The following UTRN variants were observed in gnomAD, a reference collection of about 807,000 sequenced individuals.
UTRN encodes utrophin.
In UTRN, 283 loss-of-function variants were observed where a neutral mutation model predicts 463.9. The observed-to-expected ratio is 0.61, with a 90% CI of 0.55 to 0.67. UTRN has a LOEUF of 0.67. Among genes scored for constraint, UTRN ranks in the 30% least tolerant of loss-of-function variants. The probability of loss-of-function intolerance (pLI) is 0.00; values close to 1 mark genes in which losing one functional copy is unlikely to be tolerated. For synonymous variants in UTRN, 1,442 were observed against 1,431.5 expected (o/e 1.01, Z -0.17); for missense variants, 3,922 against 4,084.3 (o/e 0.96, Z 1.08).
At chr6:144,344,311 T>C (rs1777392446) in intron 2 of UTRN, 2 of 1,304,050 alleles carry the variant, frequency 1.5e-6, no homozygotes, top group South Asian at 1.2e-5. Flanking sequence ...CCAGGTAAGT[T>C]TGTCAACTTG....
Position 144,659,611 on chromosome 6 carries a change from C to T in UTRN, c.7480-18795C>T, listed in dbSNP as rs139112036. On this transcript the variant is annotated intron_variant, in intron 51 of 74. Transcript: ENST00000367545. ...TGCTGGTGTCTGGGAGAGTGAGAACCGGTGGCCTCTTGTCCTGTGTTTTGG... is the reference window on the plus strand; with the variant it reads ...TGCTGGTGTCTGGGAGAGTGAGAACTGGTGGCCTCTTGTCCTGTGTTTTGG... Among the ~76,000 whole-genome samples, 95 of 152,228 alleles carry T rather than the reference C, an allele frequency of 6.2e-4. 1 individual carries two copies. Among genetic ancestry groups the T allele is most frequent in the East Asian group, 1.4e-3 (7 of 5,182 alleles).
intron 31 of UTRN, among the ~76,000 whole-genome samples, chr6:144,490,614 G>A (rs1792965952): frequency 6.6e-6 from 1 of 152,152 alleles, no homozygotes; most frequent in African/African-American, 2.4e-5. Flanking sequence ...TTGAGTTCTA[G>A]GTTCCTGAAC....
chr6:144,627,834 C>G (rs886432532), intron 51 of UTRN, among the ~76,000 whole-genome samples: 5 of 131,702 alleles, frequency 3.8e-5, no homozygotes, highest in African/African-American at 1.2e-4. Flanking sequence ...GAGTCTCGCT[C>G]TGTCACCCAG....
intron 44 of UTRN, 57 bp downstream of exon 44, chr6:144,537,774 G>A: frequency 6.4e-7 from 1 of 1,558,814 alleles, no homozygotes; most frequent in South Asian, 1.2e-5. Context: ...ATACTTCAGA[G>A]TCACATACTG....
intron 2 of UTRN, among the ~76,000 whole-genome samples, chr6:144,329,078 C>A (rs896909727): frequency 2.0e-5 from 3 of 146,456 alleles, no homozygotes; most frequent in Non-Finnish European, 3.0e-5. Context: ...AGCCACCGCA[C>A]CTGGCCTTTT....
Position 144,424,075 on chromosome 6 carries a change from G to T in UTRN, c.402G>T (p.Trp134Cys). 2 of 1,612,986 alleles carry T rather than the reference G, an allele frequency of 1.2e-6. No individual in the cohort carries two copies. Among genetic ancestry groups the T allele is most frequent in the Non-Finnish European group, 1.7e-6 (2 of 1,179,738 alleles). Residue 134 changes from tryptophan to cysteine, a missense_variant, in exon 6 of 75, where the codon TGG (tryptophan) becomes TGT (cysteine). Trp to Cys is a radical substitution (Grantham distance 215). This residue lies in a region of UTRN where 264 missense variants were observed against 327.9 expected (regional missense o/e 0.81). Coordinates refer to ENST00000367545, the MANE Select transcript of UTRN (RefSeq NM_007124.3). The part of the protein sequence containing the change: ...LGLLWSIILH[W>C]QVKDVMKDVM... Reference sequence around the variant, plus strand: ...TACTTTGGAGCATCATTTTGCACTGGCAGGTGGGGAAATTTCCAATCACTT... The same window carrying T: ...TACTTTGGAGCATCATTTTGCACTGTCAGGTGGGGAAATTTCCAATCACTT...
intron 18 of UTRN, among the ~76,000 whole-genome samples, 193 bp downstream of exon 18, chr6:144,451,686 C>T (rs542211738): frequency 3.8e-5 from 5 of 132,854 alleles, no homozygotes; most frequent in Admixed American, 7.0e-5. Context: ...ATTTGGAGGA[C>T]GTTTTTTTTT....
intron 3 of UTRN, among the ~76,000 whole-genome samples, chr6:144,416,243 C>CA: frequency 6.6e-6 from 1 of 152,304 alleles, no homozygotes; most frequent in Non-Finnish European, 1.5e-5. Flanking sequence ...ATTTGTTTAG[C>CA]ACAGTGTTTT....
In UTRN at chr6:144,839,073, T is replaced by G. The variant is rs1237068228; in HGVS notation, c.10066-100T>G. The G allele has an allele frequency of 4.7e-6, 4 of 855,602 alleles. No homozygotes were observed. In the Admixed American group the frequency reaches 9.3e-5, roughly 20 times the overall value. 53.0% of individuals were successfully genotyped at this position (855,602 alleles called of 1,614,324 possible). ...CTGAAGGCAAAGACTTCTATATGAT[T>G]TAATTATCCATGGTGAGGGCGGGGA... On this transcript the variant is annotated intron_variant, in intron 71 of 74. Coordinates refer to ENST00000367545, the MANE Select transcript of UTRN (RefSeq NM_007124.3).
At chr6:144,815,594 G>A (rs1395912168) in intron 65 of UTRN, among the ~76,000 whole-genome samples, 5 of 152,226 alleles carry the variant, frequency 3.3e-5, no homozygotes, top group Non-Finnish European at 5.9e-5. Context: ...AGAACTTGGA[G>A]TTTATGTTCG....
rs139302810 is a variant in UTRN at position 144,789,240 on chromosome 6, A to G, written c.8881A>G (p.Met2961Val). Reference protein sequence around the residue: ...IRVQSLKIGLMSLSKGLLEEK... With the variant: ...IRVQSLKIGLVSLSKGLLEEK... ...AGTGCAGAGTCTGAAGATTGGATTA[A>G]TGTCTCTCTCCAAAGGTCTCTTGGA... Residue 2961 changes from methionine to valine, a missense_variant, in exon 62 of 75, where the codon ATG (methionine) becomes GTG (valine). Physicochemically the swap from Met to Val is conservative, Grantham distance 21. This residue lies in a region of UTRN where 1,309 missense variants were observed against 1,452.6 expected (regional missense o/e 0.90). Coordinates refer to ENST00000367545, the MANE Select transcript of UTRN (RefSeq NM_007124.3). The G allele has an allele frequency of 9.8e-5, 158 of 1,613,592 alleles. 1 individual carries two copies. The East Asian group carries it at 2.0e-3, about 20-fold the overall frequency.
intron 23 of UTRN, among the ~76,000 whole-genome samples, chr6:144,466,104 C>G (rs1466552509): frequency 1.3e-5 from 2 of 152,192 alleles, no homozygotes; most frequent in Non-Finnish European, 1.5e-5. Context: ...ACAAATATTG[C>G]TAATTCCAAT....
intron 2 of UTRN, among the ~76,000 whole-genome samples, chr6:144,377,642 G>A (rs1457960093): frequency 2.6e-5 from 4 of 152,146 alleles, no homozygotes; most frequent in Non-Finnish European, 5.9e-5. Context: ...TAGTCACTGT[G>A]AACACTGTTG....
At chr6:144,590,933 T>A (rs949437107) in intron 51 of UTRN, among the ~76,000 whole-genome samples, 1 of 151,884 alleles carries the variant, frequency 6.6e-6, no homozygotes, top group African/African-American at 2.4e-5. Context: ...TAAGTTAATA[T>A]TGATAAAATG....
chr6:144,503,650 T>C (rs942001027), intron 34 of UTRN, among the ~76,000 whole-genome samples: 5 of 152,228 alleles, frequency 3.3e-5, no homozygotes, highest in Non-Finnish European at 5.9e-5. Flanking sequence ...TTGGTTACTG[T>C]AGCCTGATAG....
At chr6:144,334,436 C>T (rs548505224) in intron 2 of UTRN, among the ~76,000 whole-genome samples, 3 of 149,224 alleles carry the variant, frequency 2.0e-5, no homozygotes, top group Admixed American at 6.6e-5. Context: ...GGTAGTGTTG[C>T]GTCACTCTGT....
rs151284185 is a variant in UTRN at position 144,823,306 on chromosome 6, C to T, written c.9494+2288C>T. Among the ~76,000 whole-genome samples, 686 of 152,066 alleles carry T rather than the reference C, an allele frequency of 4.5e-3. 8 individuals carry two copies. The highest frequency in any genetic ancestry group is 0.016 in the African/African-American group (653 of 41,492). On this transcript the variant is annotated intron_variant, in intron 66 of 74. Coordinates refer to ENST00000367545, the MANE Select transcript of UTRN (RefSeq NM_007124.3). ...TCTTTTTTTAATCCTAGACCAAGCT[C>T]TCGGGATTTGATATAGTTCACTTTT...
chr6:144,605,677 A>AT (rs11370145), intron 51 of UTRN, among the ~76,000 whole-genome samples: 23,572 of 139,620 alleles, frequency 0.17, 2,144 homozygotes, highest in African/African-American at 0.24. Flanking sequence ...TGTGGGTGCC[A>AT]TTTTTTTTTT....
chr6:144,809,905 A>G (rs145002908), intron 65 of UTRN, among the ~76,000 whole-genome samples: 1 of 152,284 alleles, frequency 6.6e-6, no homozygotes, highest in African/African-American at 2.4e-5. Context: ...TAACAAGAGA[A>G]AAGCATACGA....
Sources: gnomAD v4.1 joint callset for allele counts (sites outside exome capture counted in the v4.1 genomes callset) on GRCh38, gnomAD v4.1.1 for gene constraint, gnomAD v4.1.1 regional missense constraint, MANE v1.5 for transcripts, NCBI Gene and HGNC (gene_info 2026-07-23, HGNC 2026-07-21) for gene names.